The following XPO6 variants were observed in gnomAD, a reference collection of about 807,000 sequenced individuals.
XPO6 encodes the protein exportin-6.
XPO6 carries 3 observed loss-of-function variants against 130.0 expected under a neutral mutation model. That is an observed-to-expected ratio of 0.02 (90% CI 0.01 to 0.06). The LOEUF (loss-of-function observed/expected upper bound fraction) is 0.06, where lower values mean the gene tolerates loss of function less well. Ranked by LOEUF, XPO6 falls within the 10% of genes least tolerant of loss-of-function variation. The pLI, the probability that XPO6 is intolerant of heterozygous loss-of-function variation, is 1.00. For missense variants in XPO6, 970 were observed against 1,393.0 expected, an observed-to-expected ratio of 0.70 and a Z score of 4.83; for synonymous variants, 524 against 548.9, an observed-to-expected ratio of 0.95 and a Z score of 0.63.
intron 1 of XPO6, among the ~76,000 whole-genome samples, chr16:28,201,599 G>GT (rs1401984887): frequency 6.6e-6 from 1 of 152,210 alleles, no homozygotes; most frequent in East Asian, 1.9e-4. Flanking sequence ...GCTCATGCCT[G>GT]TAATCCCAGC....
chr16:28,134,665 A>T (rs1285816798), intron 10 of XPO6, among the ~76,000 whole-genome samples: 1 of 152,172 alleles, frequency 6.6e-6, no homozygotes, highest in Non-Finnish European at 1.5e-5. Context: ...TATTTGAAAA[A>T]TTTTAAAGTG....
At chr16:28,208,416 C>G (rs1337479617) in intron 1 of XPO6, among the ~76,000 whole-genome samples, 3 of 152,182 alleles carry the variant, frequency 2.0e-5, no homozygotes, top group African/African-American at 7.2e-5. Context: ...AAGACACCAG[C>G]CAGGCAACAG....
chr16:28,106,693 G>C lies in XPO6; in HGVS notation c.2498-196C>G, dbSNP rs115678876. ...AGGGACATGCTGAGAAAATAGTTCTGGTATAGGGAACCTCCACCTGGTGGC... is the reference window on the plus strand; with the variant it reads ...AGGGACATGCTGAGAAAATAGTTCTCGTATAGGGAACCTCCACCTGGTGGC... On this transcript the variant is annotated intron_variant, in intron 18 of 23. Transcript: ENST00000304658. The surrounding 1 kb of genome is among the most constrained non-coding windows in gnomAD (Gnocchi z 4.2). Among the ~76,000 whole-genome samples, 1,504 of 152,266 alleles carry C rather than the reference G, an allele frequency of 9.9e-3. 31 individuals carry two copies. Among genetic ancestry groups the C allele is most frequent in the African/African-American group, 0.034 (1,431 of 41,536 alleles).
chr16:28,124,365 C>CAGAT (rs1167553687), intron 13 of XPO6, among the ~76,000 whole-genome samples: 1 of 152,170 alleles, frequency 6.6e-6, no homozygotes, highest in Non-Finnish European at 1.5e-5. Flanking sequence ...GCCAACTGAA[C>CAGAT]AGATAAGATA....
intron 9 of XPO6, among the ~76,000 whole-genome samples, chr16:28,144,245 C>T (rs371764880): frequency 6.6e-6 from 1 of 152,338 alleles, no homozygotes; most frequent in South Asian, 2.1e-4. Context: ...TGTGACCTGA[C>T]ACCATAGCAA....
intron 5 of XPO6, 86 bp from the exon 6 acceptor site, chr16:28,166,671 T>C: frequency 6.5e-7 from 1 of 1,536,704 alleles, no homozygotes; most frequent in Non-Finnish European, 8.8e-7. Flanking sequence ...TTGATACCTC[T>C]GATCAAACAT....
At chr16:28,205,930 C>A (rs895225978) in intron 1 of XPO6, among the ~76,000 whole-genome samples, 2 of 147,330 alleles carry the variant, frequency 1.4e-5, no homozygotes, top group South Asian at 2.2e-4. Context: ...CCCAGCTACT[C>A]GGGAGGCTGA....
Sources: allele counts gnomAD v4.1 joint callset (sites outside exome capture counted in the v4.1 genomes callset), GRCh38; gene constraint gnomAD v4.1.1; non-coding constraint Gnocchi (gnomAD v3.1); transcripts MANE v1.5; gene names NCBI Gene and HGNC (gene_info 2026-07-23, HGNC 2026-07-21).